The following SDCCAG8 variants were observed in gnomAD, a reference collection of about 807,000 sequenced individuals.
SDCCAG8 encodes the protein serologically defined colon cancer antigen 8.
SDCCAG8 carries 74 observed loss-of-function variants against 101.8 expected under a neutral mutation model. That is an observed-to-expected ratio of 0.73 (90% CI 0.60 to 0.88). The LOEUF (loss-of-function observed/expected upper bound fraction) is 0.88. Among genes scored for constraint, SDCCAG8 ranks in the 40% least tolerant of loss-of-function variants. The pLI is 0.00. For missense variants in SDCCAG8, 787 were observed against 822.6 expected (o/e 0.96, Z 0.53); for synonymous variants, 281 against 292.9 (o/e 0.96, Z 0.41).
Position 243,316,900 on chromosome 1 carries a change from C to G in SDCCAG8, c.1068+7C>G, listed in dbSNP as rs1310904807. Reference sequence around the variant, plus strand: ...CAATTTTGAAAAAACCAAGGCAAGTCTAATAAGATGCAAATAAAAGTGTCT... The same window carrying G: ...CAATTTTGAAAAAACCAAGGCAAGTGTAATAAGATGCAAATAAAAGTGTCT... On this transcript the variant is annotated splice_region_variant and intron_variant, in intron 9 of 17. Coordinates refer to ENST00000366541, the MANE Select transcript of SDCCAG8 (RefSeq NM_006642.5). 2 of 1,613,380 alleles carry G rather than the reference C, an allele frequency of 1.2e-6. No individual in the cohort carries two copies. Among genetic ancestry groups the G allele is most frequent in the Non-Finnish European group, 1.7e-6 (2 of 1,179,688 alleles).
In SDCCAG8 at chr1:243,344,272, G is replaced by C. The variant is rs576988620; in HGVS notation, c.1414G>C (p.Glu472Gln). Residue 472 changes from glutamate (E) to glutamine (Q), a missense_variant, in exon 12 of 18, where the codon GAA (glutamate) becomes CAA (glutamine). Transcript: ENST00000366541. Reference sequence around the variant, plus strand: ...AACCAACATGGAGAAGGATGAGGCAGAAAAGGAGCACAGAGAGTTCAGAGC... The same window carrying C: ...AACCAACATGGAGAAGGATGAGGCACAAAAGGAGCACAGAGAGTTCAGAGC... ...NKTNMEKDEA[E>Q]KEHREFRAKT... The C allele has an allele frequency of 1.3e-5, 21 of 1,614,030 alleles. No individual in the cohort carries two copies. The South Asian group carries it at 2.1e-4, about 16-fold the overall frequency.
intron 6 of SDCCAG8, among the ~76,000 whole-genome samples, chr1:243,302,904 T>C (rs970670718): frequency 6.6e-6 from 1 of 152,228 alleles, no homozygotes; most frequent in Admixed American, 6.5e-5. Context: ...GAAAATGCCA[T>C]TATTGTTGTA....
chr1:243,320,860 A>G (rs2073698994), intron 9 of SDCCAG8, among the ~76,000 whole-genome samples: 1 of 152,164 alleles, frequency 6.6e-6, no homozygotes. Context: ...TGCCATGTGC[A>G]TTCTTCTCTG....
intron 16 of SDCCAG8, among the ~76,000 whole-genome samples, chr1:243,478,669 C>T (rs3006917): frequency 0.2 from 30,955 of 151,996 alleles, 3,388 homozygotes; most frequent in African/African-American, 0.27. Flanking sequence ...AAACAGCAAA[C>T]CAGCCACTAA....
chr1:243,343,484 A>G (rs1462812746), intron 11 of SDCCAG8, among the ~76,000 whole-genome samples: 1 of 152,224 alleles, frequency 6.6e-6, no homozygotes, highest in Non-Finnish European at 1.5e-5. Flanking sequence ...AGTATAGAGG[A>G]TGATACACAA....
At chr1:243,293,450 C>T (rs1238249842) in intron 6 of SDCCAG8, 2 of 648,414 alleles carry the variant, frequency 3.1e-6, no homozygotes, top group Non-Finnish European at 5.7e-6. Flanking sequence ...ACAATATCTC[C>T]ATTCCCCTCC....
chr1:243,262,290 G>C (rs909599657), intron 1 of SDCCAG8, among the ~76,000 whole-genome samples: 2 of 147,230 alleles, frequency 1.4e-5, no homozygotes, highest in Non-Finnish European at 3.0e-5. Flanking sequence ...ATTTTTAGTA[G>C]AGGCAGGGTT....
intron 16 of SDCCAG8, among the ~76,000 whole-genome samples, chr1:243,444,464 C>T (rs1296189264): frequency 6.6e-6 from 1 of 151,744 alleles, no homozygotes; most frequent in Non-Finnish European, 1.5e-5. Flanking sequence ...CTTCACCTCC[C>T]GGGTTCAAGT....
chr1:243,347,982 T>C (rs1453236569), intron 12 of SDCCAG8, among the ~76,000 whole-genome samples: 4 of 151,220 alleles, frequency 2.6e-5, no homozygotes. Context: ...AGTCTCTCTC[T>C]CCTTGCCCCT....
chr1:243,359,764 G>C lies in SDCCAG8; in HGVS notation c.1473+15433G>C, dbSNP rs141527822. ...TGTTGATTGAGTGAATGCATAGTGA[G>C]CTAAGAACAAACCTTGAATACTTAG... is the stretch of plus-strand genomic sequence containing the variant. On this transcript the variant is annotated intron_variant, in intron 12 of 17. Coordinates refer to ENST00000366541, the MANE Select transcript of SDCCAG8 (RefSeq NM_006642.5). 4.6e-5 allele frequency among the ~76,000 whole-genome samples: 7 copies of C among 152,298 alleles called. No individual in the cohort carries two copies. The East Asian group carries it at 1.4e-3, about 29-fold the overall frequency.
chr1:243,270,243 A>C lies in SDCCAG8; in HGVS notation c.206A>C (p.Gln69Pro). Residue 69 changes from glutamine to proline, a missense_variant, in exon 2 of 18, where the codon CAA becomes CCA. Coordinates refer to ENST00000366541, the MANE Select transcript of SDCCAG8 (RefSeq NM_006642.5). ...GCCAGGACAGCCTGGCCCGAATTAC[A>C]ACAGAGCCATGCTGGTGAGTGTGAA... ...EDARTAWPEL[Q>P]QSHAVNQLKD... 1 of 1,614,158 alleles carries C rather than the reference A, an allele frequency of 6.2e-7. No homozygotes were observed. Among genetic ancestry groups the C allele is most frequent in the Non-Finnish European group, 8.5e-7 (1 of 1,180,004 alleles).
intron 16 of SDCCAG8, among the ~76,000 whole-genome samples, chr1:243,465,166 G>A (rs909524206): frequency 7.2e-5 from 11 of 152,256 alleles, no homozygotes; most frequent in Non-Finnish European, 1.3e-4. Context: ...GAAAAGGCAT[G>A]GGTGAGTCAT....
intron 4 of SDCCAG8, among the ~76,000 whole-genome samples, chr1:243,279,098 A>AT (rs2068811984): frequency 6.6e-6 from 1 of 152,088 alleles, no homozygotes; most frequent in South Asian, 2.1e-4. Context: ...GCCAGATTTT[A>AT]TTTTTTTAAT....
At position 243,474,733 on chromosome 1, in the gene SDCCAG8, C is replaced by T. The variant is rs1455709151; in HGVS notation, c.1986-14281C>T. Among the ~76,000 whole-genome samples the T allele has an allele frequency of 1.3e-5, 2 of 152,204 alleles. No individual in the cohort carries two copies. Among genetic ancestry groups the T allele is most frequent in the Non-Finnish European group, 2.9e-5 (2 of 68,032 alleles). On this transcript the variant is annotated intron_variant, in intron 16 of 17. Transcript: ENST00000366541. This position sits in a 1 kb window ranked among gnomAD's most constrained non-coding sequence, Gnocchi z 4.7. ...GAAGGCAGGCTGGGAGCTCCCGGGA[C>T]GCGGCGTGGCAGCGCAGGGCTCGGC...
intron 3 of SDCCAG8, 34 bp from the exon 4 acceptor site, chr1:243,274,509 A>G: frequency 8.1e-7 from 1 of 1,239,910 alleles, no homozygotes; most frequent in African/African-American, 1.5e-5. Context: ...AAATTTATGT[A>G]TTTATGTATT....
intron 16 of SDCCAG8, chr1:243,487,735 G>A (rs1036461542): frequency 1.3e-5 from 2 of 152,340 alleles, no homozygotes; most frequent in Non-Finnish European, 2.9e-5. Context: ...GCCAAGCCCG[G>A]GGAGGCGGGG....
intron 12 of SDCCAG8, among the ~76,000 whole-genome samples, chr1:243,370,326 A>T (rs994032596): frequency 2.5e-4 from 38 of 152,146 alleles, no homozygotes; most frequent in Non-Finnish European, 1.5e-4. Context: ...AAGAAAAAAA[A>T]TTGCAGATTT....
intron 16 of SDCCAG8, among the ~76,000 whole-genome samples, chr1:243,454,738 T>C (rs1350572256): frequency 2.0e-5 from 3 of 152,212 alleles, no homozygotes; most frequent in Admixed American, 6.5e-5. Flanking sequence ...TACTATCTTC[T>C]GTTTGTCCCT....
At chr1:243,370,482 G>A (rs754770698) in intron 12 of SDCCAG8, among the ~76,000 whole-genome samples, 1 of 152,036 alleles carries the variant, frequency 6.6e-6, no homozygotes, top group South Asian at 2.1e-4. Context: ...ACTCATTTTT[G>A]TAAACTGACC....
Sources: gnomAD v4.1 joint callset for allele counts (sites outside exome capture counted in the v4.1 genomes callset) on GRCh38, gnomAD v4.1.1 for gene constraint, Gnocchi (gnomAD v3.1) non-coding constraint, MANE v1.5 for transcripts, NCBI Gene and HGNC (gene_info 2026-07-23, HGNC 2026-07-21) for gene names.